Variants in CCDC181 observed in about 807,000 individuals in gnomAD.
CCDC181 encodes the protein coiled-coil domain containing 181.
Under a neutral mutation model 58.7 loss-of-function variants are expected in CCDC181, and 35 were observed. That is an observed-to-expected ratio of 0.60 (90% CI 0.46 to 0.79). The LOEUF is 0.79. CCDC181 is among the 30% of genes least tolerant of loss of function. The pLI, the probability that CCDC181 is intolerant of heterozygous loss-of-function variation, is 0.00. For missense variants in CCDC181, 517 were observed against 583.9 expected, an observed-to-expected ratio of 0.89 and a Z score of 1.18; for synonymous variants, 183 against 197.5, an observed-to-expected ratio of 0.93 and a Z score of 0.62.
intron 2 of CCDC181, among the ~76,000 whole-genome samples, chr1:169,441,611 ATTAAGAACAT>A (rs1053947705): frequency 2.6e-5 from 4 of 152,052 alleles, no homozygotes; most frequent in Non-Finnish European, 2.9e-5. Context: ...AGGGAAGAAA[ATTAAGAACAT>A]GTAAGAACAG....
intron 4 of CCDC181, among the ~76,000 whole-genome samples, chr1:169,409,090 C>T (rs1249212638): frequency 6.6e-6 from 1 of 152,160 alleles, no homozygotes; most frequent in Non-Finnish European, 1.5e-5. Flanking sequence ...ACAAACTCCT[C>T]TGAGCTAAAG....
chr1:169,439,055 C>T (rs1657133965), intron 2 of CCDC181, among the ~76,000 whole-genome samples: 1 of 152,140 alleles, frequency 6.6e-6, no homozygotes, highest in African/African-American at 2.4e-5. Context: ...CTGAGACCCC[C>T]CCAGGAGCTG....
chr1:169,402,259 C>T (rs1248736628), intron 4 of CCDC181, among the ~76,000 whole-genome samples: 1 of 152,138 alleles, frequency 6.6e-6, no homozygotes, highest in African/African-American at 2.4e-5. Flanking sequence ...AGAACTTCCC[C>T]AAGCTAGCAA....
At position 169,422,409 on chromosome 1, in the gene CCDC181, G is replaced by C. The variant is rs1656522354; in HGVS notation, c.118-96C>G. 3 of 872,872 alleles carry C rather than the reference G, an allele frequency of 3.4e-6. No individual in the cohort carries two copies. In the Admixed American group the frequency reaches 9.2e-5, roughly 27 times the overall value. 54.1% of individuals were successfully genotyped at this position (872,872 alleles called of 1,614,324 possible). ...TTCCTGTTCATGTAATTTATTTTAT[G>C]AATGGGAAAATTTAAGTGTTTATTG... On this transcript the variant is annotated intron_variant, in intron 2 of 5. Coordinates refer to ENST00000367806, the MANE Select transcript of CCDC181 (RefSeq NM_001300969.2).
intron 4 of CCDC181, among the ~76,000 whole-genome samples, chr1:169,415,843 C>G (rs1464152960): frequency 5.3e-5 from 8 of 152,106 alleles, no homozygotes; most frequent in Admixed American, 4.6e-4. Context: ...TTACACTTGC[C>G]ACGTATTTCT....
At position 169,395,234 on chromosome 1, in the gene CCDC181, G is replaced by A. The variant is rs375246077; in HGVS notation, c.1371-28C>T. 2.5e-6 allele frequency: 4 copies of A among 1,595,058 alleles called. No individual in the cohort carries two copies. The African/African-American group carries it at 4.1e-5, about 16-fold the overall frequency. ...GTAGAAACAGGCATGATCAGATTTG[G>A]TGAGTATCAACCTGAATACACTCTT... On this transcript the variant is annotated intron_variant, in intron 5 of 5. Transcript: ENST00000367806.
In CCDC181 at chr1:169,395,050, G is replaced by T; in HGVS notation, c.1527C>A (p.Asn509Lys). 1 of 1,586,308 alleles carries T rather than the reference G, an allele frequency of 6.3e-7. No homozygotes were observed. Among genetic ancestry groups the T allele is most frequent in the Non-Finnish European group, 8.5e-7 (1 of 1,170,300 alleles). The stretch of plus-strand genomic sequence containing the variant: ...CTGAAATATTTAATAGAAACTTTCA[G>T]TTATAATGATCAGTAAAACGAAAAG... ...AKPFRFTDHY[N>K] The change falls in exon 6 of 6, where the codon AAC becomes AAA. Residue 509 changes from asparagine (N) to lysine (K), a missense_variant. Transcript: ENST00000367806.
At chr1:169,452,899 T>C (rs899791236) in intron 2 of CCDC181, 4 of 152,112 alleles carry the variant, frequency 2.6e-5, no homozygotes, top group African/African-American at 9.7e-5. Flanking sequence ...AGAACTGGAA[T>C]GACAAAATAT....
At chr1:169,458,058 T>A (rs747723555) in intron 2 of CCDC181, among the ~76,000 whole-genome samples, 1 of 152,176 alleles carries the variant, frequency 6.6e-6, no homozygotes, top group Non-Finnish European at 1.5e-5. Flanking sequence ...TGGTTCTGGC[T>A]TATTCATTTT....
At chr1:169,444,436 G>A (rs967355671) in intron 2 of CCDC181, among the ~76,000 whole-genome samples, 4 of 152,136 alleles carry the variant, frequency 2.6e-5, no homozygotes, top group African/African-American at 9.7e-5. Flanking sequence ...GTAAGTGACA[G>A]GGCCTTCAGT....
rs1207463385 is a variant in CCDC181 at position 169,395,208 on chromosome 1, T to G, written c.1371-2A>C. 6.2e-7 allele frequency: 1 copy of G among 1,609,274 alleles called. No individual in the cohort carries two copies. The highest frequency in any genetic ancestry group is 1.7e-5 in the Admixed American group (1 of 59,008). ...TCCATCCGTTTCCTTCTTAACCATC[T>G]GTAGAAACAGGCATGATCAGATTTG... is the stretch of plus-strand genomic sequence containing the variant. On this transcript the variant is annotated splice_acceptor_variant, in intron 5 of 5. Coordinates refer to ENST00000367806, the MANE Select transcript of CCDC181 (RefSeq NM_001300969.2). LOFTEE classifies it high-confidence loss of function.
intron 2 of CCDC181, chr1:169,443,067 CCTAA>C (rs1657280147): frequency 6.6e-6 from 1 of 151,068 alleles, no homozygotes; most frequent in Admixed American, 6.6e-5. Flanking sequence ...TGAAAATATG[CCTAA>C]CTATCAAAAA....
intron 2 of CCDC181, among the ~76,000 whole-genome samples, chr1:169,434,995 A>G (rs1361139618): frequency 6.6e-6 from 1 of 152,154 alleles, no homozygotes; most frequent in Admixed American, 6.5e-5. Flanking sequence ...GTTTTAAAAA[A>G]TAAAGTGTTC....
chr1:169,407,882 A>T (rs984509302), intron 4 of CCDC181, among the ~76,000 whole-genome samples: 2 of 152,130 alleles, frequency 1.3e-5, no homozygotes, highest in African/African-American at 4.8e-5. Context: ...TGCTACGAGG[A>T]ACTGTGCATT....
chr1:169,411,591 A>C (rs1035932639), intron 4 of CCDC181, among the ~76,000 whole-genome samples: 1 of 152,172 alleles, frequency 6.6e-6, no homozygotes, highest in Non-Finnish European at 1.5e-5. Flanking sequence ...AGAAAAGAAA[A>C]TTTCAAGCCA....
At chr1:169,460,421 G>A (rs1405067570) in exon 1 of CCDC181, 2 of 152,356 alleles carry the variant, frequency 1.3e-5, no homozygotes, top group Non-Finnish European at 2.9e-5. Context: ...GAAAAACTCG[G>A]GTGGAAAGAC....
At chr1:169,398,193 CA>C (rs1439863721) in intron 4 of CCDC181, among the ~76,000 whole-genome samples, 4 of 152,040 alleles carry the variant, frequency 2.6e-5, no homozygotes, top group African/African-American at 4.8e-5. Flanking sequence ...AGTCCAGATA[CA>C]AAGTAATAGA....
upstream of CCDC181, among the ~76,000 whole-genome samples, chr1:169,430,386 T>C (rs189333671): frequency 8.3e-4 from 126 of 152,334 alleles, no homozygotes; most frequent in Non-Finnish European, 1.6e-3. Context: ...TTTGGCAGTA[T>C]AGTCATTTTC....
rs563501131 is a variant in CCDC181 at position 169,413,514 on chromosome 1, CT to C, written c.1215+5498del. ...ACCATTTGACCCAGCAATCCCATTA[CT>C]GGATTATATACCCGAAGGATTATAA... On this transcript the variant is annotated intron_variant, in intron 4 of 5. Transcript: ENST00000367806. 1.8e-3 allele frequency among the ~76,000 whole-genome samples: 276 copies of C among 152,282 alleles called. 1 individual carries two copies. Among genetic ancestry groups the C allele is most frequent in the African/African-American group, 6.2e-3 (257 of 41,554 alleles).
Sources: gnomAD v4.1 joint callset for allele counts (sites outside exome capture counted in the v4.1 genomes callset) on GRCh38, gnomAD v4.1.1 for gene constraint, MANE v1.5 for transcripts, NCBI Gene and HGNC (gene_info 2026-07-23, HGNC 2026-07-21) for gene names.